ZNF248: variants seen among roughly 807,000 people sequenced by gnomAD.
The protein encoded by ZNF248 is zinc finger protein 248.
A neutral mutation model predicts 44.3 loss-of-function variants in ZNF248; 20 were observed. That is an observed-to-expected ratio of 0.45 (90% CI 0.32 to 0.66). The LOEUF (loss-of-function observed/expected upper bound fraction) is 0.66, where lower values mean the gene tolerates loss of function less well. Among genes scored for constraint, ZNF248 ranks in the 30% least tolerant of loss-of-function variants. The probability of loss-of-function intolerance (pLI) is 0.04; values close to 1 mark genes in which losing one functional copy is unlikely to be tolerated. For synonymous variants in ZNF248, 224 were observed against 229.0 expected (o/e 0.98, Z 0.20); for missense variants, 654 against 677.0 (o/e 0.97, Z 0.38).
Position 37,829,630 on chromosome 10 carries a change from A to G in ZNF248, c.*1985T>C. On this transcript the variant is annotated 3_prime_UTR_variant, in exon 6 of 6. Coordinates refer to ENST00000395867, the MANE Select transcript of ZNF248 (RefSeq NM_021045.3). ...GGTATAGAGAGCAGAGTAGCTCGGC[A>G]ACGTCACCTCTGAGCTGGCTTTTCC... 1 of 985,424 alleles carries G rather than the reference A, an allele frequency of 1.0e-6. No individual in the cohort carries two copies. The highest frequency in any genetic ancestry group is 4.7e-5 in the South Asian group (1 of 21,284). The allele number at this position is 985,424 out of a possible 1,614,324, so 61.0% of individuals were successfully genotyped here.
chr10:37,797,293 A>G (rs1368765851), intron 6 of ZNF248, among the ~76,000 whole-genome samples: 3 of 149,094 alleles, frequency 2.0e-5, no homozygotes, highest in Non-Finnish European at 4.4e-5. Flanking sequence ...ATACATATAT[A>G]AATCAACTCA....
downstream of ZNF248, among the ~76,000 whole-genome samples, chr10:37,774,432 G>T (rs1056438890): frequency 7.9e-5 from 12 of 152,118 alleles, no homozygotes; most frequent in African/African-American, 2.7e-4. Context: ...GCTCTCGAGG[G>T]GTTATCTTAT....
intron 3 of ZNF248, among the ~76,000 whole-genome samples, chr10:37,855,771 G>GCATT (rs2061179656): frequency 6.6e-6 from 1 of 152,254 alleles, no homozygotes; most frequent in South Asian, 2.1e-4. Flanking sequence ...GAATAAGGTT[G>GCATT]CATTCATCAG....
At chr10:37,780,696 G>C (rs1409399332) in intron 6 of ZNF248, among the ~76,000 whole-genome samples, 1 of 152,110 alleles carries the variant, frequency 6.6e-6, no homozygotes, top group Non-Finnish European at 1.5e-5. Context: ...CCCCGCGCGG[G>C]GCCTGGACGC....
At chr10:37,787,397 G>T (rs112984381) in intron 6 of ZNF248, among the ~76,000 whole-genome samples, 1 of 152,092 alleles carries the variant, frequency 6.6e-6, no homozygotes, top group African/African-American at 2.4e-5. Flanking sequence ...ATAGATAATG[G>T]AAATTAATTG....
downstream of ZNF248, among the ~76,000 whole-genome samples, chr10:37,774,737 T>C (rs2046447958): frequency 6.6e-6 from 1 of 152,168 alleles, no homozygotes; most frequent in Non-Finnish European, 1.5e-5. Context: ...TTTCTTAGAC[T>C]TCAGGCCAGG....
rs2055596027 is a variant in ZNF248, at chr10:37,831,440, T to C, written c.*175A>G. 1.3e-5 allele frequency: 19 copies of C among 1,480,130 alleles called. No individual in the cohort carries two copies. The highest frequency in any genetic ancestry group is 1.5e-5 in the Non-Finnish European group (17 of 1,116,848). 91.7% of individuals were successfully genotyped at this position (1,480,130 alleles called of 1,614,324 possible). A position where few individuals can be genotyped will look rare whatever the true frequency, so the allele number is the denominator to read the frequency against. ...ATTTTCACCATATTACTTAGATGAA[T>C]AGAATTCCCCTCAGTACAAATTTTC... On this transcript the variant is annotated 3_prime_UTR_variant, in exon 6 of 6. Transcript: ENST00000395867.
the ZNF248 span, among the ~76,000 whole-genome samples, chr10:37,764,681 T>C: frequency 8.5e-5 from 13 of 152,122 alleles, no homozygotes; most frequent in African/African-American, 2.9e-4. Flanking sequence ...ACCGGGAAAA[T>C]AGAAAAGGAC....
intron 6 of ZNF248, among the ~76,000 whole-genome samples, chr10:37,796,936 A>T (rs1042015987): frequency 6.6e-6 from 1 of 151,798 alleles, no homozygotes; most frequent in Admixed American, 6.6e-5. Flanking sequence ...AACCTCATGC[A>T]TCAACAAATA....
rs368328230 is a variant in ZNF248 at position 37,829,852 on chromosome 10, A to T, written c.*1763T>A. The T allele has an allele frequency of 1.9e-5, 19 of 985,320 alleles. 1 individual carries two copies. In the East Asian group the frequency reaches 5.7e-4, roughly 29 times the overall value. The allele number at this position is 985,320 out of a possible 1,614,324, so 61.0% of individuals were successfully genotyped here. ...TTGCTCCCAAGTTCACCCCAACAGAATCATTAAAATGGAACTTCCATGATT... is the reference window on the plus strand; with the variant it reads ...TTGCTCCCAAGTTCACCCCAACAGATTCATTAAAATGGAACTTCCATGATT... On this transcript the variant is annotated 3_prime_UTR_variant, in exon 6 of 6. Transcript: ENST00000395867.
chr10:37,851,972 G>A (rs2060333975), intron 3 of ZNF248, among the ~76,000 whole-genome samples: 1 of 152,080 alleles, frequency 6.6e-6, no homozygotes, highest in Non-Finnish European at 1.5e-5. Context: ...ATCCAGCCGG[G>A]CGCGGTGGCT....
chr10:37,835,241 A>G (rs1029868769), intron 5 of ZNF248, among the ~76,000 whole-genome samples: 1 of 152,226 alleles, frequency 6.6e-6, no homozygotes, highest in Admixed American at 6.5e-5. Context: ...GTGAAAAGTG[A>G]GAATATAAAG....
In ZNF248 at chr10:37,831,281, T is replaced by C. The variant is rs1010305939; in HGVS notation, c.*334A>G. The C allele has an allele frequency of 6.5e-7, 1 of 1,549,678 alleles. No individual in the cohort carries two copies. Among genetic ancestry groups the C allele is most frequent in the Non-Finnish European group, 8.7e-7 (1 of 1,146,196 alleles). On this transcript the variant is annotated 3_prime_UTR_variant, in exon 6 of 6. Coordinates refer to ENST00000395867, the MANE Select transcript of ZNF248 (RefSeq NM_021045.3). ...TCTTCACATATATGTTTAATGCTGC[T>C]GTCATTCAACTTTTATAAGCTTCAG...
chr10:37,855,861 AAC>A (rs1317756139), intron 3 of ZNF248, among the ~76,000 whole-genome samples: 2 of 152,226 alleles, frequency 1.3e-5, no homozygotes, highest in Non-Finnish European at 2.9e-5. Flanking sequence ...AGCTGACACA[AAC>A]AGTTAGGGAA....
intron 6 of ZNF248, among the ~76,000 whole-genome samples, chr10:37,778,039 G>C (rs1242474375): frequency 6.6e-6 from 1 of 152,082 alleles, no homozygotes; most frequent in Non-Finnish European, 1.5e-5. Context: ...ATAGTCCTTT[G>C]GGTATATACC....
chr10:37,849,124 A>C (rs1589924770), intron 3 of ZNF248, among the ~76,000 whole-genome samples: 1 of 152,166 alleles, frequency 6.6e-6, no homozygotes, highest in African/African-American at 2.4e-5. Flanking sequence ...TTCAGGGAGA[A>C]AGAAAGAGCA....
chr10:37,783,148 A>G (rs185454051), intron 6 of ZNF248, among the ~76,000 whole-genome samples: 54 of 152,274 alleles, frequency 3.5e-4, no homozygotes, highest in Middle Eastern at 3.4e-3. Flanking sequence ...TCTTGAGTGG[A>G]CCATGTCACA....
chr10:37,845,492 A>T (rs1167154099), intron 3 of ZNF248, among the ~76,000 whole-genome samples: 1 of 152,134 alleles, frequency 6.6e-6, no homozygotes, highest in Admixed American at 6.5e-5. Flanking sequence ...CTTTAAAAGC[A>T]GCCATATAAA....
At chr10:37,780,592 G>A (rs974783450) in intron 6 of ZNF248, among the ~76,000 whole-genome samples, 22 of 152,198 alleles carry the variant, frequency 1.4e-4, no homozygotes, top group Admixed American at 7.9e-4. Context: ...AGGACTCCTC[G>A]TCCCACGCAG....
Sources: allele counts gnomAD v4.1 joint callset (sites outside exome capture counted in the v4.1 genomes callset), GRCh38; gene constraint gnomAD v4.1.1; transcripts MANE v1.5; gene names NCBI Gene and HGNC (gene_info 2026-07-23, HGNC 2026-07-21).